Variants in NR1I2 observed in about 807,000 individuals in gnomAD.
NR1I2 encodes nuclear receptor subfamily 1 group I member 2.
NR1I2 carries 42 observed loss-of-function variants against 43.3 expected under a neutral mutation model. The observed-to-expected ratio is 0.97, with a 90% confidence interval of 0.76 to 1.26. The LOEUF is 1.26. NR1I2 is among the 50% of genes most tolerant of loss of function. NR1I2 has a pLI of 0.00. For missense variants in NR1I2, 559 were observed against 566.7 expected (o/e 0.99, Z 0.14); for synonymous variants, 229 against 215.0 (o/e 1.06, Z -0.57).
At chr3:119,806,287 T>G (rs554451800) in intron 1 of NR1I2, among the ~76,000 whole-genome samples, 60 of 152,212 alleles carry the variant, frequency 3.9e-4, no homozygotes, top group Middle Eastern at 6.8e-3. Context: ...CAGCTCAATT[T>G]TTTTTCTTTC....
chr3:119,787,055 AG>A (rs2054851775), intron 1 of NR1I2, among the ~76,000 whole-genome samples: 1 of 152,154 alleles, frequency 6.6e-6, no homozygotes, highest in South Asian at 2.1e-4. Context: ...TGGGAGGCCG[AG>A]GCAGGTGGAT....
chr3:119,800,618 G>T (rs1186058918), intron 1 of NR1I2, among the ~76,000 whole-genome samples: 2 of 152,132 alleles, frequency 1.3e-5, no homozygotes, highest in Non-Finnish European at 2.9e-5. Flanking sequence ...GGAGAATGCG[G>T]TCTTGCTGTA....
intron 5 of NR1I2, 136 bp from the exon 6 acceptor site, chr3:119,814,843 A>T: frequency 9.2e-7 from 1 of 1,087,774 alleles, no homozygotes; most frequent in Non-Finnish European, 1.4e-6. Context: ...GACAGCAGCC[A>T]CAGTCATCCT....
intron 2 of NR1I2, among the ~76,000 whole-genome samples, chr3:119,808,214 T>G (rs1056858676): frequency 7.2e-5 from 11 of 152,108 alleles, no homozygotes; most frequent in Admixed American, 7.2e-4. Flanking sequence ...GGTTAGTGAG[T>G]TCAGCAGCTC....
In NR1I2 at chr3:119,805,713, CCA is replaced by C. The variant is rs1491065310; in HGVS notation, c.-22-1514_-22-1513del. Among the ~76,000 whole-genome samples the C allele has an allele frequency of 1.0e-3, 46 of 44,996 alleles. 2 individuals are homozygous for C. In the East Asian group the frequency reaches 0.02, roughly 19 times the overall value. The allele number at this position is 44,996 out of a possible 152,430, so 29.5% of individuals were successfully genotyped here. A position where few individuals can be genotyped will look rare whatever the true frequency, so the allele number is the denominator to read the frequency against. On this transcript the variant is annotated intron_variant, in intron 1 of 8. Coordinates refer to ENST00000393716, the MANE Select transcript of NR1I2 (RefSeq NM_003889.4). The stretch of plus-strand genomic sequence containing the variant: ...GCAAGACTTGGTCCCCCCCTCCCCC[CCA>C]CCAAAAAAAAAAGAAAAGAAAAGAA...
At chr3:119,799,257 T>C (rs1577275888) in intron 1 of NR1I2, among the ~76,000 whole-genome samples, 1 of 152,238 alleles carries the variant, frequency 6.6e-6, no homozygotes, top group Non-Finnish European at 1.5e-5. Flanking sequence ...TTCTTTGTGG[T>C]TTCAATTTGC....
chr3:119,817,952 AC>A lies in NR1I2; in HGVS notation c.*741del, dbSNP rs1415749274. ...GCTCACAGAGTTTATAGTTAAAAAA[AC>A]AAACAGAAACACAAACGATTTGGAT... On this transcript the variant is annotated 3_prime_UTR_variant, in exon 9 of 9. Coordinates refer to ENST00000393716, the MANE Select transcript of NR1I2 (RefSeq NM_003889.4). The A allele has an allele frequency of 2.0e-6, 2 of 984,082 alleles. No individual in the cohort carries two copies. Among genetic ancestry groups the A allele is most frequent in the East Asian group, 1.1e-4 (1 of 8,816 alleles). The allele number at this position is 984,082 out of a possible 1,614,324, so 61.0% of individuals were successfully genotyped here.
chr3:119,782,503 TTA>T (rs2054787252), intron 1 of NR1I2, among the ~76,000 whole-genome samples: 4 of 151,688 alleles, frequency 2.6e-5, no homozygotes, highest in Non-Finnish European at 4.4e-5. Context: ...TTGAGCCCCA[TTA>T]CTGATGCTCT....
rs769616002 is a variant in NR1I2, at chr3:119,814,945, G to A, written c.795-34G>A. 67 of 1,613,578 alleles carry A rather than the reference G, an allele frequency of 4.2e-5. 2 individuals are homozygous for A. The East Asian group carries it at 4.2e-4, about 10-fold the overall frequency. On this transcript the variant is annotated intron_variant, in intron 5 of 8. Transcript: ENST00000393716. ...TGCCGGTCTGTGGGCTGCCTCCCAG[G>A]GAGCTGTCCTCCCCTCCCCATCCTT...
chr3:119,813,785 G>A (rs917775605), intron 5 of NR1I2, among the ~76,000 whole-genome samples: 1 of 152,190 alleles, frequency 6.6e-6, no homozygotes, highest in Non-Finnish European at 1.5e-5. Context: ...TAAAGGGGCA[G>A]GGAGAGAAGA....
intron 1 of NR1I2, among the ~76,000 whole-genome samples, chr3:119,786,146 C>T (rs2054840078): frequency 6.6e-6 from 1 of 152,198 alleles, no homozygotes; most frequent in African/African-American, 2.4e-5. Context: ...AATGCAGACC[C>T]ATGATTTTTC....
At chr3:119,793,975 T>G (rs1213636158) in intron 1 of NR1I2, among the ~76,000 whole-genome samples, 3 of 152,258 alleles carry the variant, frequency 2.0e-5, no homozygotes, top group Non-Finnish European at 2.9e-5. Context: ...ACAAATATTC[T>G]CTTCGGTACA....
At chr3:119,792,469 G>T in intron 1 of NR1I2, 1 of 1,113,406 alleles carries the variant, frequency 9.0e-7, no homozygotes, top group East Asian at 2.5e-5. Context: ...AAGCTGCAGA[G>T]GACATCACGT....
At chr3:119,813,033 G>T in intron 5 of NR1I2, 73 bp downstream of exon 5, 1 of 1,518,930 alleles carries the variant, frequency 6.6e-7, no homozygotes, top group Non-Finnish European at 9.0e-7. Context: ...AGGGCCTGGG[G>T]TAGATCCTGA....
At position 119,818,141 on chromosome 3, in the gene NR1I2, G is replaced by A. The variant is rs1226056257; in HGVS notation, c.*929G>A. The A allele has an allele frequency of 2.0e-6, 2 of 985,582 alleles. No homozygotes were observed. The highest frequency in any genetic ancestry group is 2.4e-6 in the Non-Finnish European group (2 of 830,042). The allele number at this position is 985,582 out of a possible 1,614,324, so 61.1% of individuals were successfully genotyped here. On this transcript the variant is annotated 3_prime_UTR_variant, in exon 9 of 9. Coordinates refer to ENST00000393716, the MANE Select transcript of NR1I2 (RefSeq NM_003889.4). ...AGCTGTGAGTGCGTGTGTGTGATTT[G>A]GTGTAGGTAGGTCTGTTTGCCACTT...
chr3:119,815,270 G>C, intron 6 of NR1I2, 53 bp from the exon 7 acceptor site: 1 of 1,577,728 alleles, frequency 6.3e-7, no homozygotes, highest in Non-Finnish European at 8.7e-7. Context: ...GGGATGATTA[G>C]ATCTTGGTCA....
At chr3:119,797,614 A>T (rs2055019672) in intron 1 of NR1I2, among the ~76,000 whole-genome samples, 1 of 152,196 alleles carries the variant, frequency 6.6e-6, no homozygotes, top group Non-Finnish European at 1.5e-5. Context: ...ACATACATAC[A>T]TATCTCTAAA....
chr3:119,782,340 C>T (rs933871021), intron 1 of NR1I2, 40 bp downstream of exon 1: 17 of 170,644 alleles, frequency 1.0e-4, no homozygotes, highest in Non-Finnish European at 1.8e-4. Context: ...GGGGGCTGAC[C>T]GCCCTTCAGC....
Position 119,811,529 on chromosome 3 carries a change from G to A in NR1I2, c.332-10G>A, listed in dbSNP as rs1192001980. The A allele has an allele frequency of 8.7e-6, 14 of 1,609,128 alleles. No individual in the cohort carries two copies. The highest frequency in any genetic ancestry group is 1.2e-5 in the Non-Finnish European group (14 of 1,177,300). On this transcript the variant is annotated splice_polypyrimidine_tract_variant and intron_variant, in intron 3 of 8. Coordinates refer to ENST00000393716, the MANE Select transcript of NR1I2 (RefSeq NM_003889.4). ...CACGTGTGCCTGAGCCAGCCTCACTGTCCCTGCAGTGATCATGTCCGACGA... is the reference window on the plus strand; with the variant it reads ...CACGTGTGCCTGAGCCAGCCTCACTATCCCTGCAGTGATCATGTCCGACGA...
Sources: gnomAD v4.1 joint callset for allele counts (sites outside exome capture counted in the v4.1 genomes callset) on GRCh38, gnomAD v4.1.1 for gene constraint, MANE v1.5 for transcripts, NCBI Gene and HGNC (gene_info 2026-07-23, HGNC 2026-07-21) for gene names.